The following TLE4 variants were observed in gnomAD, a reference collection of about 807,000 sequenced individuals.
TLE4 encodes TLE family member 4, transcriptional corepressor.
TLE4 carries 8 observed loss-of-function variants against 92.8 expected under a neutral mutation model. The ratio of observed to expected loss-of-function variants is 0.09; its 90% CI spans 0.05 to 0.16. The LOEUF (loss-of-function observed/expected upper bound fraction) is 0.16. TLE4 is among the 10% of genes least tolerant of loss of function. The pLI is 1.00. For missense variants in TLE4, 675 were observed against 997.6 expected (o/e 0.68, Z 4.36); for synonymous variants, 371 against 374.1 (o/e 0.99, Z 0.10).
chr9:79,723,642 G>A (rs1042652512), intron 19 of TLE4, among the ~76,000 whole-genome samples: 1 of 152,126 alleles, frequency 6.6e-6, no homozygotes, highest in African/African-American at 2.4e-5. Flanking sequence ...TGAAAGACTT[G>A]CCTTTATTAA....
chr9:79,723,106 T>C (rs1429902653), intron 19 of TLE4, 71 bp downstream of exon 19: 2 of 1,447,514 alleles, frequency 1.4e-6, no homozygotes, highest in Non-Finnish European at 1.9e-6. Context: ...CTCAGATTAA[T>C]AATGTGCAGA....
chr9:79,692,475 T>C (rs531617336), intron 8 of TLE4, among the ~76,000 whole-genome samples: 2 of 152,302 alleles, frequency 1.3e-5, no homozygotes, highest in Non-Finnish European at 2.9e-5. Flanking sequence ...CCATTGCCTT[T>C]TAGGACAGAT....
chr9:79,679,932 T>A (rs1261623957), intron 8 of TLE4, among the ~76,000 whole-genome samples: 1 of 152,094 alleles, frequency 6.6e-6, no homozygotes, highest in African/African-American at 2.4e-5. Context: ...GATGTAGATA[T>A]GCGGCATTAT....
chr9:79,585,144 A>T (rs534891035), intron 4 of TLE4, among the ~76,000 whole-genome samples: 7 of 152,346 alleles, frequency 4.6e-5, no homozygotes, highest in African/African-American at 1.7e-4. Flanking sequence ...TAGTAGAGAT[A>T]GTATAACGTT....
At chr9:79,595,366 T>A (rs1305067459) in intron 4 of TLE4, among the ~76,000 whole-genome samples, 3 of 152,246 alleles carry the variant, frequency 2.0e-5, no homozygotes, top group African/African-American at 7.2e-5. Flanking sequence ...ATAAGGTACT[T>A]GTTACTTGTG....
chr9:79,605,605 G>C (rs1379779321), intron 4 of TLE4, among the ~76,000 whole-genome samples: 5 of 151,954 alleles, frequency 3.3e-5, no homozygotes, highest in African/African-American at 9.7e-5. Flanking sequence ...TTGTAAAAAT[G>C]CTTCAGTAAA....
chr9:79,606,373 G>GT (rs60527671), intron 4 of TLE4, among the ~76,000 whole-genome samples: 7,635 of 113,588 alleles, frequency 0.067, 381 homozygotes, highest in Middle Eastern at 0.15. Context: ...GTGTGTGTGT[G>GT]TTTTTTTTTT....
chr9:79,617,445 C>A lies in TLE4; in HGVS notation c.315+4727C>A, dbSNP rs367952674. On this transcript the variant is annotated intron_variant, in intron 5 of 19. Transcript: ENST00000376552. ...AAGGTGTTCCTAAGATCTTTGAGAA[C>A]CTCAAACTCTTGAAAAGCAGTAGGT... Among the ~76,000 whole-genome samples the A allele has an allele frequency of 2.1e-4, 32 of 152,206 alleles. No individual in the cohort carries two copies. In the East Asian group the frequency reaches 2.7e-3, roughly 13 times the overall value.
intron 8 of TLE4, among the ~76,000 whole-genome samples, chr9:79,673,687 G>T (rs1290876302): frequency 6.6e-6 from 1 of 151,996 alleles, no homozygotes; most frequent in African/African-American, 2.4e-5. Context: ...AGTTTTTCTT[G>T]CATTTAACAG....
At chr9:79,611,634 TTTCAATTC>T (rs2048377171) in intron 4 of TLE4, among the ~76,000 whole-genome samples, 1 of 152,064 alleles carries the variant, frequency 6.6e-6, no homozygotes. Context: ...ATTTTCTGCC[TTTCAATTC>T]TTCTTAGCTC....
intron 14 of TLE4, among the ~76,000 whole-genome samples, chr9:79,710,516 T>A (rs1208021222): frequency 1.3e-5 from 2 of 152,168 alleles, no homozygotes; most frequent in African/African-American, 2.4e-5. Flanking sequence ...ATGCCGTGTA[T>A]GTGCTGCCTC....
At chr9:79,687,129 C>G (rs979981142) in intron 8 of TLE4, among the ~76,000 whole-genome samples, 2 of 152,180 alleles carry the variant, frequency 1.3e-5, no homozygotes, top group African/African-American at 4.8e-5. Context: ...AGTATTGCCT[C>G]AGTTTGCGTT....
chr9:79,632,297 A>C (rs1451533172), intron 6 of TLE4, among the ~76,000 whole-genome samples: 1 of 152,106 alleles, frequency 6.6e-6, no homozygotes, highest in Non-Finnish European at 1.5e-5. Context: ...CTTCTATGCT[A>C]CTCCACAAAA....
intron 4 of TLE4, among the ~76,000 whole-genome samples, chr9:79,604,984 G>A (rs2046469099): frequency 6.6e-6 from 1 of 152,008 alleles, no homozygotes; most frequent in Admixed American, 6.6e-5. Flanking sequence ...TATGTCAGTA[G>A]GAAAGAGGAA....
intron 8 of TLE4, among the ~76,000 whole-genome samples, chr9:79,695,587 G>A (rs557422539): frequency 2.4e-4 from 37 of 152,266 alleles, no homozygotes; most frequent in Admixed American, 9.2e-4. Flanking sequence ...CTGGATTTTC[G>A]TGGTGATCCA....
At chr9:79,639,436 G>T (rs1282322934) in intron 6 of TLE4, among the ~76,000 whole-genome samples, 3 of 152,142 alleles carry the variant, frequency 2.0e-5, no homozygotes, top group Non-Finnish European at 2.9e-5. Context: ...CATTGTAGCT[G>T]TCGTAACACC....
intron 8 of TLE4, among the ~76,000 whole-genome samples, chr9:79,692,782 T>C (rs2067347228): frequency 6.6e-6 from 1 of 152,138 alleles, no homozygotes; most frequent in African/African-American, 2.4e-5. Flanking sequence ...GCTAATCTTA[T>C]TTCTGAGGCT....
intron 8 of TLE4, among the ~76,000 whole-genome samples, chr9:79,700,234 A>G (rs1473566356): frequency 1.3e-5 from 2 of 152,254 alleles, no homozygotes; most frequent in Admixed American, 6.5e-5. Flanking sequence ...ACGGCTATTA[A>G]GTGAAGACTC....
intron 8 of TLE4, among the ~76,000 whole-genome samples, chr9:79,675,232 A>G (rs2063077387): frequency 6.6e-6 from 1 of 152,150 alleles, no homozygotes; most frequent in South Asian, 2.1e-4. Context: ...TTAAGTAGGG[A>G]CCACTTGCTT....
Sources: allele counts gnomAD v4.1 joint callset (sites outside exome capture counted in the v4.1 genomes callset), GRCh38; gene constraint gnomAD v4.1.1; transcripts MANE v1.5; gene names NCBI Gene and HGNC (gene_info 2026-07-23, HGNC 2026-07-21).